Variants in TAX1BP1 observed in about 807,000 individuals in gnomAD.
TAX1BP1 encodes the protein tax1-binding protein 1.
TAX1BP1 carries 62 observed loss-of-function variants against 97.7 expected under a neutral mutation model. That is an observed-to-expected ratio of 0.63 (90% CI 0.52 to 0.78). The LOEUF is 0.78. Ranked by LOEUF, TAX1BP1 falls within the 30% of genes least tolerant of loss-of-function variation. The pLI is 0.00. For synonymous variants in TAX1BP1, 340 were observed against 304.2 expected (o/e 1.12, Z -1.23); for missense variants, 867 against 916.1 (o/e 0.95, Z 0.69).
rs113182216 is a variant in TAX1BP1 at position 27,792,713 on chromosome 7, G to T, written c.1264-353G>T. ...ACAGTTGCTCACACCTATAACCTCA[G>T]CACTTTGGGGGGCTGAGGTGGGAAG... On this transcript the variant is annotated intron_variant, in intron 9 of 16. Coordinates refer to ENST00000396319, the MANE Select transcript of TAX1BP1 (RefSeq NM_006024.7). Among the ~76,000 whole-genome samples, 16 of 152,218 alleles carry T rather than the reference G, an allele frequency of 1.1e-4. 1 individual carries two copies. The highest frequency in any genetic ancestry group is 3.9e-4 in the African/African-American group (16 of 41,520).
intron 16 of TAX1BP1, 129 bp from the exon 17 acceptor site, chr7:27,828,499 A>G: frequency 1.3e-6 from 1 of 795,430 alleles, no homozygotes; most frequent in Admixed American, 2.9e-5. Context: ...TTTCTGGAGT[A>G]AAGACTTTTA....
Position 27,792,051 on chromosome 7 carries a change from C to T in TAX1BP1, c.1084C>T (p.Gln362Ter). 6.2e-7 allele frequency: 1 copy of T among 1,614,082 alleles called. No individual in the cohort carries two copies. The highest frequency in any genetic ancestry group is 8.5e-7 in the Non-Finnish European group (1 of 1,180,020). The change falls in exon 9 of 17, where the codon CAG becomes TAG. Residue 362 changes from glutamine to a stop codon, truncating the protein, a stop_gained. Coordinates refer to ENST00000396319, the MANE Select transcript of TAX1BP1 (RefSeq NM_006024.7). LOFTEE classifies it high-confidence loss of function. ...LKEQLRKAEE[Q>*]VQATRQEVVF... ...GGAGCAACTTCGTAAAGCAGAGGAACAGGTTCAGGCAACTCGGCAAGAAGT... is the reference window on the plus strand; with the variant it reads ...GGAGCAACTTCGTAAAGCAGAGGAATAGGTTCAGGCAACTCGGCAAGAAGT...
rs1306899190 is a variant in TAX1BP1, at chr7:27,828,793, G to C, written c.2334G>C (p.Gln778His). 2.5e-6 allele frequency: 4 copies of C among 1,603,414 alleles called. No homozygotes were observed. In the East Asian group the frequency reaches 6.8e-5, roughly 27 times the overall value. ...YDQQVFERHV[Q>H]THFDQNVLNF... ...AGCAGGTGTTTGAAAGGCATGTGCA[G>C]ACCCATTTTGATCAGAATGTTCTAA... Residue 778 changes from glutamine to histidine, a missense_variant, in exon 17 of 17, where the codon CAG becomes CAC. By Grantham distance (24) the Gln-to-His change is conservative. This residue lies in a region of TAX1BP1 where 34 missense variants were observed against 33.2 expected (regional missense o/e 1.02). Transcript: ENST00000396319.
intron 13 of TAX1BP1, among the ~76,000 whole-genome samples, chr7:27,805,465 GTTC>G (rs1172584644): frequency 6.6e-6 from 1 of 152,068 alleles, no homozygotes; most frequent in Non-Finnish European, 1.5e-5. Flanking sequence ...CCATGTAAAT[GTTC>G]TTTATTTTTG....
intron 8 of TAX1BP1, 96 bp from the exon 9 acceptor site, chr7:27,791,891 TAGAAAAACCAATATCTAAA>T: frequency 1.1e-6 from 1 of 880,672 alleles, no homozygotes; most frequent in Non-Finnish European, 1.8e-6. Flanking sequence ...AAGTCATGAG[TAGAAAAACCAATATCTAAA>T]ATTTTGGCCC....
At chr7:27,810,047 A>G (rs1790493602) in intron 13 of TAX1BP1, among the ~76,000 whole-genome samples, 1 of 151,904 alleles carries the variant, frequency 6.6e-6, no homozygotes, top group Admixed American at 6.6e-5. Flanking sequence ...AGCTGGGACT[A>G]CAGGTGTGTG....
chr7:27,761,216 A>C (rs542308699), intron 3 of TAX1BP1, among the ~76,000 whole-genome samples: 2 of 152,214 alleles, frequency 1.3e-5, no homozygotes, highest in African/African-American at 2.4e-5. Context: ...TACAGAAAAA[A>C]TTGAATGAAA....
At chr7:27,765,742 G>A in intron 3 of TAX1BP1, 92 bp from the exon 4 acceptor site, 2 of 1,092,620 alleles carry the variant, frequency 1.8e-6, no homozygotes, top group African/African-American at 3.1e-5. Flanking sequence ...AGAACAGTGT[G>A]GGGAATGAGA....
intron 5 of TAX1BP1, among the ~76,000 whole-genome samples, chr7:27,782,005 C>T (rs540891531): frequency 2.5e-4 from 38 of 151,988 alleles, no homozygotes; most frequent in African/African-American, 8.2e-4. Flanking sequence ...CATGAGCCAC[C>T]GCACCTGGCC....
intron 7 of TAX1BP1, among the ~76,000 whole-genome samples, chr7:27,785,725 C>T (rs1789454501): frequency 6.6e-6 from 1 of 152,202 alleles, no homozygotes; most frequent in South Asian, 2.1e-4. Context: ...GGAGAACCTT[C>T]AGCTCCTCTT....
chr7:27,788,109 G>A (rs1310938608), intron 8 of TAX1BP1, among the ~76,000 whole-genome samples: 2 of 151,964 alleles, frequency 1.3e-5, no homozygotes, highest in Non-Finnish European at 1.5e-5. Flanking sequence ...CACTTTTTAT[G>A]ACATTGATAT....
At chr7:27,749,417 C>G (rs988970013) in intron 2 of TAX1BP1, among the ~76,000 whole-genome samples, 2 of 152,164 alleles carry the variant, frequency 1.3e-5, no homozygotes, top group African/African-American at 4.8e-5. Flanking sequence ...CTGTGTTATT[C>G]TGTAGTCTTC....
rs1269296589 is a variant in TAX1BP1, at chr7:27,800,105, CCTT to C, written c.1764+16_1764+18del. ...ACAATTATAAAGTAAGTTTGGTACT[CCTT>C]GTATGTAAACTTAAGGCATAAACTT... is the stretch of plus-strand genomic sequence containing the variant. On this transcript the variant is annotated intron_variant, in intron 13 of 16. Transcript: ENST00000396319. The C allele has an allele frequency of 1.3e-6, 2 of 1,545,312 alleles. No homozygotes were observed. Among genetic ancestry groups the C allele is most frequent in the East Asian group, 4.7e-5 (2 of 42,212 alleles).
At position 27,792,073 on chromosome 7, in the gene TAX1BP1, A is replaced by C; in HGVS notation, c.1106A>C (p.Glu369Ala). The change falls in exon 9 of 17, where the codon GAA becomes GCA. Residue 369 changes from glutamate (E) to alanine (A), a missense_variant. This residue lies in a region of TAX1BP1 where 822 missense variants were observed against 851.4 expected (regional missense o/e 0.97). Transcript: ENST00000396319. Reference sequence around the variant, plus strand: ...GAACAGGTTCAGGCAACTCGGCAAGAAGTTGTCTTTCTGGCTAAAGAACTC... The same window carrying C: ...GAACAGGTTCAGGCAACTCGGCAAGCAGTTGTCTTTCTGGCTAAAGAACTC... Reference protein sequence around the residue: ...AEEQVQATRQEVVFLAKELSD... With the variant: ...AEEQVQATRQAVVFLAKELSD... The C allele has an allele frequency of 6.2e-7, 1 of 1,614,138 alleles. No homozygotes were observed. Among genetic ancestry groups the C allele is most frequent in the Non-Finnish European group, 8.5e-7 (1 of 1,180,024 alleles).
chr7:27,812,360 C>T (rs759804501), intron 13 of TAX1BP1, among the ~76,000 whole-genome samples: 39 of 152,214 alleles, frequency 2.6e-4, no homozygotes, highest in Non-Finnish European at 3.4e-4. Context: ...TCTTTGGTTG[C>T]GACAGTTCTT....
At chr7:27,807,308 A>G (rs1790377147) in intron 13 of TAX1BP1, among the ~76,000 whole-genome samples, 1 of 152,168 alleles carries the variant, frequency 6.6e-6, no homozygotes, top group Non-Finnish European at 1.5e-5. Flanking sequence ...CCTACAATAC[A>G]TATTGAAATT....
At position 27,740,255 on chromosome 7, in the gene TAX1BP1, G is replaced by C. The variant is rs574980349; in HGVS notation, c.-22G>C. 1.3e-5 allele frequency: 2 copies of C among 152,602 alleles called. No homozygotes were observed. The highest frequency in any genetic ancestry group is 4.8e-5 in the African/African-American group (2 of 41,578). The allele number at this position is 152,602 out of a possible 1,614,324, so 9.5% of individuals were successfully genotyped here. ...TGCGTAACTTTCTCCCTTGATCCGGGAGTCTTTCCACTGGGTAAGGCGCCT... is the reference window on the plus strand; with the variant it reads ...TGCGTAACTTTCTCCCTTGATCCGGCAGTCTTTCCACTGGGTAAGGCGCCT... On this transcript the variant is annotated 5_prime_UTR_variant, in exon 1 of 17. Transcript: ENST00000396319.
intron 15 of TAX1BP1, 80 bp from the exon 16 acceptor site, chr7:27,827,658 T>C: frequency 9.1e-7 from 1 of 1,100,658 alleles, no homozygotes; most frequent in Non-Finnish European, 1.4e-6. Context: ...TTTTATACTG[T>C]CAGTATGTGC....
intron 13 of TAX1BP1, among the ~76,000 whole-genome samples, chr7:27,806,867 C>A (rs559230426): frequency 1.7e-3 from 264 of 152,176 alleles, no homozygotes; most frequent in African/African-American, 6.1e-3. Context: ...GGTGATATTT[C>A]TACCTTTTAA....
Sources: gnomAD v4.1 joint callset for allele counts (sites outside exome capture counted in the v4.1 genomes callset) on GRCh38, gnomAD v4.1.1 for gene constraint, gnomAD v4.1.1 regional missense constraint, MANE v1.5 for transcripts, NCBI Gene and HGNC (gene_info 2026-07-23, HGNC 2026-07-21) for gene names.